MTUS2: variants seen among roughly 807,000 people sequenced by gnomAD.
MTUS2 encodes the protein microtubule-associated tumor suppressor candidate 2.
In MTUS2, 40 loss-of-function variants were observed where a neutral mutation model predicts 114.1. The observed-to-expected ratio is 0.35, with a 90% CI of 0.27 to 0.46. The LOEUF (loss-of-function observed/expected upper bound fraction) is 0.46. MTUS2 is among the 20% of genes least tolerant of loss of function. The pLI is 1.00. For missense variants in MTUS2, 1,679 were observed against 1,705.4 expected, an observed-to-expected ratio of 0.98 and a Z score of 0.27; for synonymous variants, 688 against 672.0, an observed-to-expected ratio of 1.02 and a Z score of -0.37.
rs115276560 is a variant in MTUS2, at chr13:29,283,365, A to G, written c.2806+1500A>G. 4.5e-3 allele frequency among the ~76,000 whole-genome samples: 678 copies of G among 152,350 alleles called. 4 individuals carry two copies. Among genetic ancestry groups the G allele is most frequent in the African/African-American group, 0.015 (630 of 41,570 alleles). On this transcript the variant is annotated intron_variant, in intron 6 of 15. Coordinates refer to ENST00000612955, the MANE Select transcript of MTUS2 (RefSeq NM_001033602.4). The stretch of plus-strand genomic sequence containing the variant: ...TAACACAGCATCCTCATTGCCTGCC[A>G]CAGTGACTGACTCACAGTAGGTATT...
At chr13:29,456,400 CAGA>C (rs1879113212) in intron 9 of MTUS2, among the ~76,000 whole-genome samples, 1 of 152,022 alleles carries the variant, frequency 6.6e-6, no homozygotes, top group Non-Finnish European at 1.5e-5. Context: ...ACTGAGTTTT[CAGA>C]AGGACAAGAG....
intron 8 of MTUS2, among the ~76,000 whole-genome samples, chr13:29,397,401 C>T (rs528515468): frequency 2.6e-5 from 4 of 152,266 alleles, no homozygotes; most frequent in Admixed American, 6.5e-5. Flanking sequence ...TTCTACTGTG[C>T]CAAGACCCTT....
At chr13:29,181,198 C>CATCT (rs1893989206) in intron 5 of MTUS2, among the ~76,000 whole-genome samples, 1 of 146,234 alleles carries the variant, frequency 6.8e-6, no homozygotes, top group Admixed American at 6.9e-5. Context: ...TGCACTGGAA[C>CATCT]ATCTGTTCCT....
chr13:29,326,021 G>A (rs574042516), intron 7 of MTUS2, among the ~76,000 whole-genome samples: 8 of 152,318 alleles, frequency 5.3e-5, no homozygotes, highest in East Asian at 3.8e-4. Flanking sequence ...GGTCAAAGCC[G>A]TAAATGTGAA....
At chr13:29,467,287 A>G (rs763043121) in intron 9 of MTUS2, among the ~76,000 whole-genome samples, 11 of 152,240 alleles carry the variant, frequency 7.2e-5, no homozygotes, top group Non-Finnish European at 1.2e-4. Context: ...GATGTTCAAC[A>G]TGGAGATGAT....
intron 8 of MTUS2, among the ~76,000 whole-genome samples, chr13:29,418,128 C>T (rs1049027224): frequency 4.1e-4 from 62 of 152,258 alleles, no homozygotes; most frequent in African/African-American, 1.3e-3. Context: ...TTTGGGGTCT[C>T]GGGCATTAGT....
chr13:29,098,675 G>A (rs528247327), intron 4 of MTUS2, among the ~76,000 whole-genome samples: 26 of 152,194 alleles, frequency 1.7e-4, no homozygotes, highest in Non-Finnish European at 3.8e-4. Flanking sequence ...TGGAATATAA[G>A]TAAGTGCAGA....
chr13:29,180,698 T>TTTTC (rs1893963247), intron 5 of MTUS2, among the ~76,000 whole-genome samples: 2 of 152,174 alleles, frequency 1.3e-5, no homozygotes, highest in Non-Finnish European at 2.9e-5. Flanking sequence ...TGGCTTCACT[T>TTTTC]GAGTCCAGTG....
At chr13:29,355,294 G>C (rs1335086421) in intron 7 of MTUS2, among the ~76,000 whole-genome samples, 1 of 152,206 alleles carries the variant, frequency 6.6e-6, no homozygotes, top group Admixed American at 6.5e-5. Context: ...GCTTCTCCCT[G>C]GAGACCTCAC....
chr13:28,863,118 G>A (rs1463877589), intron 2 of MTUS2, among the ~76,000 whole-genome samples: 2 of 152,158 alleles, frequency 1.3e-5, no homozygotes, highest in African/African-American at 4.8e-5. Flanking sequence ...GAGAGCTTTG[G>A]TGATTAAGCT....
intron 5 of MTUS2, among the ~76,000 whole-genome samples, chr13:29,158,037 T>C (rs1035391677): frequency 6.6e-6 from 1 of 152,200 alleles, no homozygotes; most frequent in Admixed American, 6.5e-5. Context: ...ACTTCTGGCA[T>C]GAGTGCCTTC....
chr13:29,112,689 T>C (rs1459311372), intron 5 of MTUS2, among the ~76,000 whole-genome samples: 1 of 151,926 alleles, frequency 6.6e-6, no homozygotes, highest in Non-Finnish European at 1.5e-5. Context: ...CAAGTGAGAA[T>C]AGTAGATGGA....
At chr13:29,368,703 CT>C (rs1870948735) in intron 8 of MTUS2, among the ~76,000 whole-genome samples, 1 of 152,208 alleles carries the variant, frequency 6.6e-6, no homozygotes, top group African/African-American at 2.4e-5. Context: ...GTACAGCCCC[CT>C]GTGTTGATTT....
intron 9 of MTUS2, among the ~76,000 whole-genome samples, chr13:29,446,956 G>A (rs1274870076): frequency 6.6e-6 from 1 of 152,084 alleles, no homozygotes; most frequent in Non-Finnish European, 1.5e-5. Context: ...TGTACATGTT[G>A]ATTATCCACA....
intron 6 of MTUS2, among the ~76,000 whole-genome samples, chr13:29,316,756 T>C (rs1900007095): frequency 6.6e-6 from 1 of 152,182 alleles, no homozygotes; most frequent in Non-Finnish European, 1.5e-5. Context: ...GTTCCTTCAT[T>C]TGCAAACCAG....
At position 28,970,243 on chromosome 13, in the gene MTUS2, T is replaced by C. The variant is rs146703423; in HGVS notation, c.-242-54214T>C. On this transcript the variant is annotated intron_variant, in intron 2 of 15. Coordinates refer to ENST00000612955, the MANE Select transcript of MTUS2 (RefSeq NM_001033602.4). Reference sequence around the variant, plus strand: ...TGTCAATGTTTAGTATTATGCTTCATGCATGCTTTGTCTAGATCTTTATAT... The same window carrying C: ...TGTCAATGTTTAGTATTATGCTTCACGCATGCTTTGTCTAGATCTTTATAT... Among the ~76,000 whole-genome samples, 300 of 152,374 alleles carry C rather than the reference T, an allele frequency of 2.0e-3. 1 individual carries two copies. Among genetic ancestry groups the C allele is most frequent in the African/African-American group, 6.9e-3 (289 of 41,590 alleles).
chr13:29,167,671 C>T (rs560174289), intron 5 of MTUS2, among the ~76,000 whole-genome samples: 44 of 152,090 alleles, frequency 2.9e-4, no homozygotes, highest in African/African-American at 1.0e-3. Flanking sequence ...TTGAGCATCC[C>T]AAGTTTGAAA....
chr13:29,041,495 T>C (rs1277993740), intron 4 of MTUS2, among the ~76,000 whole-genome samples: 1 of 152,214 alleles, frequency 6.6e-6, no homozygotes, highest in African/African-American at 2.4e-5. Context: ...TGGTGGTATA[T>C]TGATGGAAAT....
intron 2 of MTUS2, among the ~76,000 whole-genome samples, chr13:28,939,302 A>C (rs1882095155): frequency 6.6e-6 from 1 of 152,184 alleles, no homozygotes; most frequent in African/African-American, 2.4e-5. Flanking sequence ...GAACGTTTTT[A>C]GTGTGGGAGC....
Sources: gnomAD v4.1 joint callset for allele counts (sites outside exome capture counted in the v4.1 genomes callset) on GRCh38, gnomAD v4.1.1 for gene constraint, MANE v1.5 for transcripts, NCBI Gene and HGNC (gene_info 2026-07-23, HGNC 2026-07-21) for gene names.